Variants in SNX24 observed in about 807,000 individuals in gnomAD.
SNX24 encodes sorting nexin-24.
In SNX24, 22 loss-of-function variants were observed where a neutral mutation model predicts 28.7. The observed-to-expected ratio is 0.77, with a 90% CI of 0.55 to 1.10. The LOEUF (loss-of-function observed/expected upper bound fraction) is 1.10. SNX24 is among the 50% of genes least tolerant of loss of function. The probability of loss-of-function intolerance (pLI) is 0.00; values close to 1 mark genes in which losing one functional copy is unlikely to be tolerated. For missense variants in SNX24, 221 were observed against 201.1 expected (o/e 1.10, Z -0.60); for synonymous variants, 69 against 71.5 (o/e 0.96, Z 0.18).
At chr5:122,904,212 C>T (rs1477569437) in intron 1 of SNX24, among the ~76,000 whole-genome samples, 4 of 150,870 alleles carry the variant, frequency 2.7e-5, no homozygotes, top group African/African-American at 9.8e-5. Context: ...GATGGAGTTT[C>T]ACTCTTGTTG....
intron 1 of SNX24, among the ~76,000 whole-genome samples, chr5:122,917,124 G>T (rs1758210093): frequency 6.6e-6 from 1 of 151,986 alleles, no homozygotes; most frequent in African/African-American, 2.4e-5. Context: ...AAAATTAGCC[G>T]GGTGTGTTGG....
intron 5 of SNX24, among the ~76,000 whole-genome samples, chr5:123,014,477 A>G (rs973900450): frequency 6.7e-6 from 1 of 150,332 alleles, no homozygotes; most frequent in Non-Finnish European, 1.5e-5. Flanking sequence ...GCCTATGTGC[A>G]ATTCTGAACC....
intron 3 of SNX24, among the ~76,000 whole-genome samples, chr5:122,947,431 C>T (rs1420498636): frequency 6.6e-6 from 1 of 152,100 alleles, no homozygotes; most frequent in Non-Finnish European, 1.5e-5. Context: ...TGTAGTTTTC[C>T]TGGTCTTTAC....
At chr5:122,902,892 T>C (rs1331954126) in intron 1 of SNX24, among the ~76,000 whole-genome samples, 3 of 152,176 alleles carry the variant, frequency 2.0e-5, no homozygotes, top group East Asian at 1.9e-4. Flanking sequence ...TTTCAACTCA[T>C]ATTAGTCTGC....
intron 1 of SNX24, among the ~76,000 whole-genome samples, chr5:122,905,035 GA>G (rs1757590123): frequency 6.6e-6 from 1 of 152,222 alleles, no homozygotes; most frequent in Non-Finnish European, 1.5e-5. Flanking sequence ...TGTCCATTCA[GA>G]AAAGTTCTTC....
At chr5:122,998,800 C>T (rs1018836378) in intron 3 of SNX24, among the ~76,000 whole-genome samples, 1 of 152,198 alleles carries the variant, frequency 6.6e-6, no homozygotes, top group South Asian at 2.1e-4. Flanking sequence ...AACTATGTAT[C>T]TACAAGGTAC....
At chr5:122,987,113 C>T (rs1041348115) in intron 3 of SNX24, among the ~76,000 whole-genome samples, 1 of 151,972 alleles carries the variant, frequency 6.6e-6, no homozygotes, top group African/African-American at 2.4e-5. Context: ...AGCCAGGTGG[C>T]TTCTGCATTC....
At chr5:122,947,073 C>T (rs1290102201) in intron 3 of SNX24, among the ~76,000 whole-genome samples, 1 of 152,216 alleles carries the variant, frequency 6.6e-6, no homozygotes, top group Non-Finnish European at 1.5e-5. Context: ...GCAGGGGAAT[C>T]TTGGCTCTTA....
rs150715832 is a variant in SNX24, at chr5:122,964,483, CT to C, written c.249+18327del. On this transcript the variant is annotated intron_variant, in intron 3 of 6. Transcript: ENST00000261369. Reference sequence around the variant, plus strand: ...TAATGTCAAAATTATAGTATGCCTTCTTTGTCTTTTTCTCGTGCATGTTTAT... The same window carrying C: ...TAATGTCAAAATTATAGTATGCCTTCTTGTCTTTTTCTCGTGCATGTTTAT... Among the ~76,000 whole-genome samples the C allele has an allele frequency of 4.2e-3, 645 of 151,962 alleles. 4 individuals are homozygous for C. Among genetic ancestry groups the C allele is most frequent in the African/African-American group, 0.015 (613 of 41,474 alleles).
intron 3 of SNX24, among the ~76,000 whole-genome samples, chr5:122,956,830 C>CT (rs1452058392): frequency 6.6e-5 from 10 of 151,642 alleles, no homozygotes; most frequent in Admixed American, 2.6e-4. Flanking sequence ...ATTTGTGTGT[C>CT]TTTTTTGGAG....
chr5:122,984,830 A>G (rs1217434981), intron 3 of SNX24, among the ~76,000 whole-genome samples: 7 of 152,244 alleles, frequency 4.6e-5, no homozygotes, highest in African/African-American at 1.7e-4. Context: ...ACTTATTAGG[A>G]TAATAGGATT....
chr5:122,977,923 AT>A lies in SNX24; in HGVS notation c.250-21985del, dbSNP rs569196657. Among the ~76,000 whole-genome samples, 573 of 152,274 alleles carry A rather than the reference AT, an allele frequency of 3.8e-3. 4 individuals carry two copies. The highest frequency in any genetic ancestry group is 0.013 in the African/African-American group (532 of 41,560). The stretch of plus-strand genomic sequence containing the variant: ...TTCATAATGGAGAACTTTGGGGAAA[AT>A]TTTAGTCTCAGCCAAATATTTTGTA... On this transcript the variant is annotated intron_variant, in intron 3 of 6. Transcript: ENST00000261369.
chr5:122,966,914 T>G (rs1760738133), intron 3 of SNX24, among the ~76,000 whole-genome samples: 1 of 152,194 alleles, frequency 6.6e-6, no homozygotes, highest in South Asian at 2.1e-4. Context: ...CTCATTTTCC[T>G]CAAACCCCAG....
intron 2 of SNX24, among the ~76,000 whole-genome samples, chr5:122,940,799 T>G (rs1170666993): frequency 6.6e-6 from 1 of 152,134 alleles, no homozygotes; most frequent in Non-Finnish European, 1.5e-5. Flanking sequence ...TCTCGAACTC[T>G]TGACCTCAGG....
At chr5:122,902,769 T>C in intron 1 of SNX24, among the ~76,000 whole-genome samples, 1 of 152,194 alleles carries the variant, frequency 6.6e-6, no homozygotes, top group East Asian at 1.9e-4. Context: ...TTATCATGCA[T>C]ATGGTTAAAA....
intron 1 of SNX24, among the ~76,000 whole-genome samples, chr5:122,884,542 C>T (rs771695868): frequency 6.6e-6 from 1 of 152,070 alleles, no homozygotes; most frequent in African/African-American, 2.4e-5. Flanking sequence ...TGAGCCAGCA[C>T]ACCCAGCCTG....
chr5:122,905,692 A>C (rs1408950378), intron 1 of SNX24, among the ~76,000 whole-genome samples: 1 of 152,192 alleles, frequency 6.6e-6, no homozygotes, highest in Non-Finnish European at 1.5e-5. Flanking sequence ...GATCTGTCCA[A>C]ACTTCCTGAG....
intron 1 of SNX24, among the ~76,000 whole-genome samples, chr5:122,861,010 CCTTT>C (rs1364668620): frequency 1.3e-5 from 2 of 152,068 alleles, no homozygotes; most frequent in South Asian, 2.1e-4. Context: ...TTTACCACTT[CCTTT>C]ATGTTCCCAA....
At chr5:122,985,809 C>T (rs1190230603) in intron 3 of SNX24, among the ~76,000 whole-genome samples, 2 of 152,198 alleles carry the variant, frequency 1.3e-5, no homozygotes, top group African/African-American at 2.4e-5. Context: ...CACTATTTAA[C>T]CTTTCTTGGC....
Sources: gnomAD v4.1 joint callset for allele counts (sites outside exome capture counted in the v4.1 genomes callset) on GRCh38, gnomAD v4.1.1 for gene constraint, MANE v1.5 for transcripts, NCBI Gene and HGNC (gene_info 2026-07-23, HGNC 2026-07-21) for gene names.